The following KIF17 variants were observed in gnomAD, a reference collection of about 807,000 sequenced individuals.
KIF17 encodes kinesin-like protein KIF17.
Under a neutral mutation model 96.8 loss-of-function variants are expected in KIF17, and 80 were observed. The observed-to-expected ratio is 0.83, with a 90% CI of 0.69 to 1.00. KIF17 has a LOEUF of 1.00. KIF17 is among the 50% of genes least tolerant of loss of function. The pLI, the probability that KIF17 is intolerant of heterozygous loss-of-function variation, is 0.00. For missense variants in KIF17, 1,280 were observed against 1,372.9 expected (o/e 0.93, Z 1.07); for synonymous variants, 567 against 587.5 (o/e 0.97, Z 0.51).
intron 6 of KIF17, among the ~76,000 whole-genome samples, chr1:20,691,027 G>A (rs72980811): frequency 0.45 from 67,620 of 151,506 alleles, 16,108 homozygotes; most frequent in East Asian, 0.78. Flanking sequence ...TAGGCCGGGC[G>A]TGGTGGCTCA....
chr1:20,717,899 G>T lies in KIF17; in HGVS notation c.-193C>A. ...GGGAGCTGGGCGTCGCAGGACCCGA[G>T]CCGGGGCCGCCGCTTCCTCCCGCGC... On this transcript the variant is annotated 5_prime_UTR_variant, in exon 1 of 15. Coordinates refer to ENST00000400463, the MANE Select transcript of KIF17 (RefSeq NM_001122819.3). 3.8e-6 allele frequency: 1 copy of T among 259,774 alleles called. No individual in the cohort carries two copies. The highest frequency in any genetic ancestry group is 6.4e-6 in the Non-Finnish European group (1 of 156,120). 16.1% of individuals were successfully genotyped at this position (259,774 alleles called of 1,614,324 possible). A position where few individuals can be genotyped will look rare whatever the true frequency, so the allele number is the denominator to read the frequency against.
At chr1:20,690,807 C>T (rs998219208) in intron 6 of KIF17, among the ~76,000 whole-genome samples, 1 of 152,002 alleles carries the variant, frequency 6.6e-6, no homozygotes, top group Non-Finnish European at 1.5e-5. Flanking sequence ...CTGCCTCAGC[C>T]TCCCAAGTAG....
chr1:20,700,747 G>A lies in KIF17; in HGVS notation c.1124-2259C>T, dbSNP rs1233229824. ...GAAACCGTAAACCACGAGTCAGTGA[G>A]TCCATCTTTGGTATATAAACCAGCC... is the stretch of plus-strand genomic sequence containing the variant. On this transcript the variant is annotated intron_variant, in intron 5 of 14. Transcript: ENST00000400463. The surrounding 1 kb of genome is among the most constrained non-coding windows in gnomAD (Gnocchi z 4.6). Among the ~76,000 whole-genome samples, 1 of 152,146 alleles carries A rather than the reference G, an allele frequency of 6.6e-6. No individual in the cohort carries two copies. The highest frequency in any genetic ancestry group is 2.4e-5 in the African/African-American group (1 of 41,404).
rs540571409 is a variant in KIF17 at position 20,695,349 on chromosome 1, G to A, written c.1233+3030C>T. 3.3e-5 allele frequency among the ~76,000 whole-genome samples: 5 copies of A among 152,160 alleles called. No individual in the cohort carries two copies. In the South Asian group the frequency reaches 8.3e-4, roughly 25 times the overall value. ...ATCACAGGCACGTGCCATCACTCCCGACTAATTTTTGTATTTGTAGTAGAG... is the reference window on the plus strand; with the variant it reads ...ATCACAGGCACGTGCCATCACTCCCAACTAATTTTTGTATTTGTAGTAGAG... On this transcript the variant is annotated intron_variant, in intron 6 of 14. Coordinates refer to ENST00000400463, the MANE Select transcript of KIF17 (RefSeq NM_001122819.3).
intron 14 of KIF17, among the ~76,000 whole-genome samples, chr1:20,665,394 A>ATT (rs33986427): frequency 0.3 from 24,051 of 80,674 alleles, 4,638 homozygotes; most frequent in Non-Finnish European, 0.34. Context: ...TACCCAGCTA[A>ATT]TTTTTTTTTT....
intron 7 of KIF17, among the ~76,000 whole-genome samples, chr1:20,689,049 C>T (rs573630017): frequency 6.6e-6 from 1 of 152,268 alleles, no homozygotes; most frequent in Non-Finnish European, 1.5e-5. Context: ...GGCACCCACT[C>T]CCTAGCTAAA....
At chr1:20,689,884 T>TA (rs1266589062) in intron 7 of KIF17, among the ~76,000 whole-genome samples, 1 of 152,216 alleles carries the variant, frequency 6.6e-6, no homozygotes, top group East Asian at 1.9e-4. Flanking sequence ...AGTCCATGGC[T>TA]AAGCCATCCC....
chr1:20,683,898 T>C (rs2053879017), intron 10 of KIF17, among the ~76,000 whole-genome samples: 1 of 151,456 alleles, frequency 6.6e-6, no homozygotes, highest in Admixed American at 6.6e-5. Context: ...TTTTCAGCTG[T>C]CTCCACTTCT....
intron 4 of KIF17, among the ~76,000 whole-genome samples, chr1:20,707,781 ATGTGTATGTGTGTG>A (rs1283796181): frequency 3.5e-4 from 32 of 90,936 alleles, no homozygotes; most frequent in African/African-American, 1.3e-3. Flanking sequence ...AAACAAACCA[ATGTGTATGTGTGTG>A]TGTGTGTGTG....
At chr1:20,714,244 G>A (rs1464163377) in intron 2 of KIF17, among the ~76,000 whole-genome samples, 6 of 151,480 alleles carry the variant, frequency 4.0e-5, no homozygotes, top group Admixed American at 2.6e-4. Flanking sequence ...GGAGAATGGC[G>A]TGAACCCAGG....
At chr1:20,678,910 A>G (rs934903940) in intron 11 of KIF17, among the ~76,000 whole-genome samples, 1 of 150,850 alleles carries the variant, frequency 6.6e-6, no homozygotes, top group African/African-American at 2.4e-5. Context: ...AGAGAAAACC[A>G]CAAAAGACAA....
intron 13 of KIF17, 96 bp downstream of exon 13, chr1:20,670,325 T>C: frequency 1.6e-6 from 2 of 1,232,830 alleles, no homozygotes; most frequent in Non-Finnish European, 2.4e-6. Flanking sequence ...GGGAGGAAAG[T>C]GGAAAACCAG....
chr1:20,687,457 C>T lies in KIF17; in HGVS notation c.1869G>A (p.Leu623=), dbSNP rs1050876646. Residue 623 remains leucine, a synonymous_variant, in exon 8 of 15, where the codon CTG becomes CTA. Coordinates refer to ENST00000400463, the MANE Select transcript of KIF17 (RefSeq NM_001122819.3). The surrounding 1 kb of genome is among the most constrained non-coding windows in gnomAD (Gnocchi z 4.4). ...TGGCCACGGTGGAGGAGAGTCTGGC[C>T]AGCTTGGCTTCCACCTCGGCAAACG... ...QDPFAEVEAK[L]ARLSSTVART... is the part of the protein sequence containing the mutation. 2.5e-6 allele frequency: 4 copies of T among 1,613,850 alleles called. No individual in the cohort carries two copies. Among genetic ancestry groups the T allele is most frequent in the Non-Finnish European group, 3.4e-6 (4 of 1,180,014 alleles).
intron 10 of KIF17, among the ~76,000 whole-genome samples, chr1:20,684,573 G>A (rs1570447427): frequency 6.6e-6 from 1 of 152,266 alleles, no homozygotes; most frequent in East Asian, 1.9e-4. Context: ...CTCTGCCCTG[G>A]GACTCCTGAA....
At chr1:20,688,932 T>TC (rs34432274) in intron 7 of KIF17, among the ~76,000 whole-genome samples, 4 of 152,176 alleles carry the variant, frequency 2.6e-5, no homozygotes, top group Non-Finnish European at 4.4e-5. Flanking sequence ...CCCTTAGTGC[T>TC]CCAGTTCAGG....
chr1:20,678,076 A>G (rs1489375748), intron 11 of KIF17, among the ~76,000 whole-genome samples: 6 of 152,242 alleles, frequency 3.9e-5, no homozygotes, highest in Non-Finnish European at 8.8e-5. Context: ...AAGAAAAAGA[A>G]GTTTAATGGA....
At position 20,684,855 on chromosome 1, in the gene KIF17, T is replaced by C. The variant is rs149255241; in HGVS notation, c.2185A>G (p.Thr729Ala). 7 of 1,596,672 alleles carry C rather than the reference T, an allele frequency of 4.4e-6. No homozygotes were observed. In the African/African-American group the frequency reaches 9.4e-5, roughly 21 times the overall value. Reference sequence around the variant, plus strand: ...TCCACAACGGGCAGCGGGTCATCAGTCAGCACTGCCACCTCCATGCCCACG... The same window carrying C: ...TCCACAACGGGCAGCGGGTCATCAGCCAGCACTGCCACCTCCATGCCCACG... Reference protein sequence around the residue: ...ESVGMEVAVLTDDPLPVVDQQ... With the variant: ...ESVGMEVAVLADDPLPVVDQQ... The change falls in exon 10 of 15, where the codon ACT (threonine) becomes GCT (alanine). Residue 729 changes from threonine to alanine, a missense_variant. By Grantham distance (58) the Thr-to-Ala change is moderately conservative. Transcript: ENST00000400463.
chr1:20,699,114 TA>T lies in KIF17; in HGVS notation c.1124-627del, dbSNP rs1445442914. On this transcript the variant is annotated intron_variant, in intron 5 of 14. Transcript: ENST00000400463. The surrounding 1 kb of genome is among the most constrained non-coding windows in gnomAD (Gnocchi z 4.3). ...ACAGACACACACCACCACACCCAGC[TA>T]ATCTTTTATTTTTTGTAGAGATGGG... Among the ~76,000 whole-genome samples the T allele has an allele frequency of 6.6e-6, 1 of 152,134 alleles. No individual in the cohort carries two copies. The highest frequency in any genetic ancestry group is 1.5e-5 in the Non-Finnish European group (1 of 68,022).
chr1:20,680,496 G>C (rs57185544), intron 11 of KIF17, among the ~76,000 whole-genome samples: 1 of 152,158 alleles, frequency 6.6e-6, no homozygotes, highest in African/African-American at 2.4e-5. Flanking sequence ...AGGATTGTTT[G>C]AGCCCAAGGG....
Sources: gnomAD v4.1 joint callset for allele counts (sites outside exome capture counted in the v4.1 genomes callset) on GRCh38, gnomAD v4.1.1 for gene constraint, Gnocchi (gnomAD v3.1) non-coding constraint, MANE v1.5 for transcripts, NCBI Gene and HGNC (gene_info 2026-07-23, HGNC 2026-07-21) for gene names.